The following NEDD4 variants were observed in gnomAD, a reference collection of about 807,000 sequenced individuals.
The protein encoded by NEDD4 is NEDD4 E3 ubiquitin protein ligase.
A neutral mutation model predicts 144.9 loss-of-function variants in NEDD4; 99 were observed. That is an observed-to-expected ratio of 0.68 (90% confidence interval 0.58 to 0.81). The LOEUF (loss-of-function observed/expected upper bound fraction) is 0.81. NEDD4 is among the 30% of genes least tolerant of loss of function. The pLI is 0.00. For synonymous variants in NEDD4, 318 were observed against 350.6 expected, an observed-to-expected ratio of 0.91 and a Z score of 1.04; for missense variants, 985 against 1,065.9, an observed-to-expected ratio of 0.92 and a Z score of 1.06.
At chr15:55,906,267 C>T (rs1252615708) in intron 5 of NEDD4, among the ~76,000 whole-genome samples, 3 of 152,138 alleles carry the variant, frequency 2.0e-5, no homozygotes, top group Non-Finnish European at 4.4e-5. Context: ...TTTGACCCAG[C>T]CATCCCATTA....
At chr15:55,955,528 T>C (rs1173621107) in intron 2 of NEDD4, among the ~76,000 whole-genome samples, 1 of 152,064 alleles carries the variant, frequency 6.6e-6, no homozygotes, top group African/African-American at 2.4e-5. Context: ...TTCTATGAAT[T>C]TGACTATTTT....
chr15:55,976,030 A>G (rs1281060920), intron 1 of NEDD4, among the ~76,000 whole-genome samples: 10 of 152,340 alleles, frequency 6.6e-5, no homozygotes, highest in African/African-American at 2.2e-4. Context: ...ACAATGGGGA[A>G]AGGACAGTCT....
chr15:55,951,255 T>G (rs1396305489), intron 4 of NEDD4, 121 bp downstream of exon 4: 1 of 511,974 alleles, frequency 2.0e-6, no homozygotes, highest in Non-Finnish European at 3.4e-6. Context: ...TTTTGTATTT[T>G]CACAACTTTA....
Position 55,953,697 on chromosome 15 carries a change from C to T in NEDD4, c.120-2108G>A, listed in dbSNP as rs530557194. Among the ~76,000 whole-genome samples the T allele has an allele frequency of 4.3e-4, 65 of 152,130 alleles. 1 individual carries two copies. Among genetic ancestry groups the T allele is most frequent in the African/African-American group, 1.6e-3 (65 of 41,504 alleles). On this transcript the variant is annotated intron_variant, in intron 2 of 28. Coordinates refer to ENST00000435532, the MANE Select transcript of NEDD4 (RefSeq NM_006154.4). ...CCTCAGGTGATCTGCCCGCCTTGGC[C>T]TCACAAAGTGCTGGGATTACAGGCA... is the stretch of plus-strand genomic sequence containing the variant.
At chr15:55,973,120 T>G (rs1285250944) in intron 1 of NEDD4, among the ~76,000 whole-genome samples, 1 of 152,250 alleles carries the variant, frequency 6.6e-6, no homozygotes, top group African/African-American at 2.4e-5. Context: ...TAATCTGCAC[T>G]GTAAACCAAA....
At chr15:55,956,843 T>C (rs1287574476) in intron 2 of NEDD4, among the ~76,000 whole-genome samples, 13 of 152,204 alleles carry the variant, frequency 8.5e-5, no homozygotes, top group Non-Finnish European at 1.5e-5. Context: ...CTGAAAAAAC[T>C]TGCTGAGATT....
chr15:55,990,778 G>A (rs1204971386), intron 1 of NEDD4, among the ~76,000 whole-genome samples: 2 of 152,080 alleles, frequency 1.3e-5, no homozygotes, highest in Admixed American at 1.3e-4. Context: ...TCCAGTCCCC[G>A]CATCCACCAC....
At chr15:55,877,918 A>G (rs2035049314) in intron 5 of NEDD4, among the ~76,000 whole-genome samples, 1 of 152,114 alleles carries the variant, frequency 6.6e-6, no homozygotes, top group Non-Finnish European at 1.5e-5. Context: ...CATTTCTGAT[A>G]TCTTCTCAAT....
intron 2 of NEDD4, among the ~76,000 whole-genome samples, chr15:55,957,801 G>T (rs2037361994): frequency 6.6e-6 from 1 of 152,164 alleles, no homozygotes; most frequent in South Asian, 2.1e-4. Context: ...CATAAAAAAG[G>T]ATGAGTTCAT....
At chr15:55,961,512 C>T (rs776028059) in intron 2 of NEDD4, among the ~76,000 whole-genome samples, 1 of 151,426 alleles carries the variant, frequency 6.6e-6, no homozygotes, top group Non-Finnish European at 1.5e-5. Flanking sequence ...ACTCTGTCAC[C>T]CAGGCTGGAG....
intron 18 of NEDD4, among the ~76,000 whole-genome samples, 186 bp downstream of exon 18, chr15:55,846,781 CAT>C (rs1319525450): frequency 2.6e-5 from 4 of 152,122 alleles, no homozygotes; most frequent in Admixed American, 2.6e-4. Context: ...AAAATAAAGA[CAT>C]AAACTAATTA....
Position 55,940,322 on chromosome 15 carries a change from G to A in NEDD4, c.237+11054C>T, listed in dbSNP as rs75705641. 5.9e-5 allele frequency among the ~76,000 whole-genome samples: 9 copies of A among 152,240 alleles called. No individual in the cohort carries two copies. In the East Asian group the frequency reaches 1.7e-3, roughly 29 times the overall value. On this transcript the variant is annotated intron_variant, in intron 4 of 28. Coordinates refer to ENST00000435532, the MANE Select transcript of NEDD4 (RefSeq NM_006154.4). The stretch of plus-strand genomic sequence containing the variant: ...GTTTATGACTTTGATTGTGGTGATG[G>A]TTTCACAGCTGTATGCATATGTTTA...
At chr15:55,839,089 G>A (rs2033348343) in intron 21 of NEDD4, among the ~76,000 whole-genome samples, 1 of 151,442 alleles carries the variant, frequency 6.6e-6, no homozygotes. Context: ...AGTGCAGTGG[G>A]GCGACTGTGG....
At chr15:55,905,893 C>T (rs1465116783) in intron 5 of NEDD4, among the ~76,000 whole-genome samples, 1 of 152,104 alleles carries the variant, frequency 6.6e-6, no homozygotes, top group African/African-American at 2.4e-5. Context: ...TCCCATTTGT[C>T]AATTTTGGCT....
chr15:55,942,288 T>G lies in NEDD4; in HGVS notation c.237+9088A>C, dbSNP rs539510189. ...CTGTCCTGAAGTCTAATTTGGCTAATGTTAATACAACCATTAACATATTTT... is the reference window on the plus strand; with the variant it reads ...CTGTCCTGAAGTCTAATTTGGCTAAGGTTAATACAACCATTAACATATTTT... On this transcript the variant is annotated intron_variant, in intron 4 of 28. Coordinates refer to ENST00000435532, the MANE Select transcript of NEDD4 (RefSeq NM_006154.4). 2.0e-5 allele frequency among the ~76,000 whole-genome samples: 3 copies of G among 152,208 alleles called. No homozygotes were observed. In the East Asian group the frequency reaches 5.8e-4, roughly 29 times the overall value.
At chr15:55,954,698 A>G (rs2037306051) in intron 2 of NEDD4, among the ~76,000 whole-genome samples, 1 of 151,814 alleles carries the variant, frequency 6.6e-6, no homozygotes, top group African/African-American at 2.4e-5. Flanking sequence ...CTAATTTTGT[A>G]TTTTTAGTAG....
At chr15:55,993,105 A>G (rs2038014057) in intron 1 of NEDD4, among the ~76,000 whole-genome samples, 1 of 152,228 alleles carries the variant, frequency 6.6e-6, no homozygotes, top group Non-Finnish European at 1.5e-5. Context: ...CGCCAGAGCA[A>G]GCAAATCAAC....
In NEDD4 at chr15:55,862,892, G is replaced by A. The variant is rs143552786; in HGVS notation, c.674+21C>T. 151 of 1,543,708 alleles carry A rather than the reference G, an allele frequency of 9.8e-5. No homozygotes were observed. In the African/African-American group the frequency reaches 1.8e-3, roughly 18 times the overall value. On this transcript the variant is annotated intron_variant, in intron 9 of 28. Coordinates refer to ENST00000435532, the MANE Select transcript of NEDD4 (RefSeq NM_006154.4). ...GTTAAAGTGTTTCCAGATTAAAATTGTGAAAGCCATCAGCACATACTGAGG... is the reference window on the plus strand; with the variant it reads ...GTTAAAGTGTTTCCAGATTAAAATTATGAAAGCCATCAGCACATACTGAGG...
chr15:55,988,487 TAAAAAAAA>T (rs56688563), intron 1 of NEDD4, among the ~76,000 whole-genome samples: 12 of 101,688 alleles, frequency 1.2e-4, no homozygotes, highest in Admixed American at 9.9e-4. Context: ...AAAAAAAAAT[TAAAAAAAA>T]AAAAAAAAAA....
Sources: gnomAD v4.1 joint callset for allele counts (sites outside exome capture counted in the v4.1 genomes callset) on GRCh38, gnomAD v4.1.1 for gene constraint, MANE v1.5 for transcripts, NCBI Gene and HGNC (gene_info 2026-07-23, HGNC 2026-07-21) for gene names.